KHDRBS3: variants seen among roughly 807,000 people sequenced by gnomAD.
KHDRBS3 encodes the protein KH RNA binding domain containing, signal transduction associated 3, also known as KH domain-containing, RNA-binding, signal transduction-associated protein 3.
KHDRBS3 carries 23 observed loss-of-function variants against 45.6 expected under a neutral mutation model. That is an observed-to-expected ratio of 0.50 (90% CI 0.36 to 0.72). The LOEUF is 0.72. Ranked by LOEUF, KHDRBS3 falls within the 30% of genes least tolerant of loss-of-function variation. The pLI, the probability that KHDRBS3 is intolerant of heterozygous loss-of-function variation, is 0.00. For synonymous variants in KHDRBS3, 162 were observed against 156.5 expected (o/e 1.04, Z -0.26); for missense variants, 352 against 424.8 (o/e 0.83, Z 1.51).
In KHDRBS3 at chr8:135,518,966, AGG is replaced by A. The variant is rs1271431462; in HGVS notation, c.89-2270_89-2269del. On this transcript the variant is annotated intron_variant, in intron 1 of 8. Coordinates refer to ENST00000355849, the MANE Select transcript of KHDRBS3 (RefSeq NM_006558.3). ...TTATAGAAAAAATCAATAAAATTAA[AGG>A]TACTCTTCTATTTCTGTGTATATTT... Among the ~76,000 whole-genome samples, 5 of 152,238 alleles carry A rather than the reference AGG, an allele frequency of 3.3e-5. No homozygotes were observed. In the East Asian group the frequency reaches 9.6e-4, roughly 29 times the overall value.
chr8:135,623,202 A>G (rs925639105), intron 7 of KHDRBS3, among the ~76,000 whole-genome samples: 4 of 152,236 alleles, frequency 2.6e-5, no homozygotes, highest in Non-Finnish European at 5.9e-5. Context: ...CTTTGCCAGA[A>G]AAAAATAAGC....
At position 135,494,499 on chromosome 8, in the gene KHDRBS3, A is replaced by C. The variant is rs918536609; in HGVS notation, c.89-26738A>C. Among the ~76,000 whole-genome samples, 5 of 152,006 alleles carry C rather than the reference A, an allele frequency of 3.3e-5. No individual in the cohort carries two copies. The East Asian group carries it at 9.7e-4, about 30-fold the overall frequency. On this transcript the variant is annotated intron_variant, in intron 1 of 8. Coordinates refer to ENST00000355849, the MANE Select transcript of KHDRBS3 (RefSeq NM_006558.3). ...TTCACCGTGTTAGCCAGGATGGTCT[A>C]GATCTCCTGACCTCGTGATCCACCC...
chr8:135,546,226 GA>G (rs1826295560), intron 3 of KHDRBS3, among the ~76,000 whole-genome samples: 1 of 151,248 alleles, frequency 6.6e-6, no homozygotes, highest in East Asian at 1.9e-4. Flanking sequence ...CTGAATTCTT[GA>G]ATATTGATTT....
chr8:135,554,001 A>G (rs1412072005), intron 4 of KHDRBS3, among the ~76,000 whole-genome samples: 2 of 152,224 alleles, frequency 1.3e-5, no homozygotes, highest in Non-Finnish European at 2.9e-5. Context: ...ACTAACTATA[A>G]TGGTTATATC....
At chr8:135,473,356 ACT>A (rs1467176129) in intron 1 of KHDRBS3, among the ~76,000 whole-genome samples, 1 of 152,094 alleles carries the variant, frequency 6.6e-6, no homozygotes, top group Non-Finnish European at 1.5e-5. Context: ...GCATGCTGAA[ACT>A]GCTGCTTTCG....
chr8:135,507,419 T>C (rs1824058732), intron 1 of KHDRBS3, among the ~76,000 whole-genome samples: 1 of 152,206 alleles, frequency 6.6e-6, no homozygotes, highest in South Asian at 2.1e-4. Flanking sequence ...CTAAAGTAGA[T>C]CAGTCTGTTT....
chr8:135,561,045 T>C (rs189059015), intron 5 of KHDRBS3, among the ~76,000 whole-genome samples: 55 of 152,276 alleles, frequency 3.6e-4, no homozygotes, highest in Middle Eastern at 3.4e-3. Flanking sequence ...TTCAAAGCCT[T>C]CTTGGTACGT....
At chr8:135,492,586 T>C (rs529057755) in intron 1 of KHDRBS3, among the ~76,000 whole-genome samples, 2 of 151,866 alleles carry the variant, frequency 1.3e-5, no homozygotes, top group African/African-American at 4.8e-5. Context: ...TGAATGCCTC[T>C]CTGTCAAAAA....
chr8:135,481,223 G>GATATATATATATATATATATATATAT (rs10529846), intron 1 of KHDRBS3, among the ~76,000 whole-genome samples: 30 of 77,368 alleles, frequency 3.9e-4, no homozygotes, highest in African/African-American at 1.3e-3. Context: ...TGAAAGCCAC[G>GATATATATATATATATATATATATAT]ATATATATAT....
intron 1 of KHDRBS3, among the ~76,000 whole-genome samples, chr8:135,489,767 T>C (rs1299071279): frequency 6.6e-6 from 1 of 152,188 alleles, no homozygotes; most frequent in African/African-American, 2.4e-5. Context: ...TAAGGTAATA[T>C]GAATTATTTA....
At chr8:135,458,206 G>C (rs1821218309) in intron 1 of KHDRBS3, 1 of 1,273,608 alleles carries the variant, frequency 7.9e-7, no homozygotes, top group Admixed American at 3.9e-5. Context: ...GGAAATCTTT[G>C]GGGACTCGGG....
intron 5 of KHDRBS3, among the ~76,000 whole-genome samples, chr8:135,575,532 C>T (rs79033409): frequency 0.011 from 1,628 of 152,300 alleles, 26 homozygotes; most frequent in African/African-American, 0.035. Flanking sequence ...GAAAAGAGAA[C>T]GCCAACTATG....
chr8:135,629,010 G>T (rs910701725), intron 7 of KHDRBS3, among the ~76,000 whole-genome samples: 1 of 152,162 alleles, frequency 6.6e-6, no homozygotes, highest in African/African-American at 2.4e-5. Flanking sequence ...GCCAGTGGTT[G>T]GGCCACATGA....
intron 5 of KHDRBS3, among the ~76,000 whole-genome samples, chr8:135,569,904 A>G (rs534705123): frequency 9.2e-5 from 14 of 152,236 alleles, no homozygotes; most frequent in South Asian, 4.1e-4. Context: ...ACCAAACCCA[A>G]TTCCATACAG....
At chr8:135,557,666 T>A in intron 5 of KHDRBS3, 79 bp downstream of exon 5, 1 of 1,059,128 alleles carries the variant, frequency 9.4e-7, no homozygotes, top group Non-Finnish European at 1.4e-6. Context: ...CAAAACCAGT[T>A]CTATCTGAAC....
intron 4 of KHDRBS3, among the ~76,000 whole-genome samples, chr8:135,550,952 C>A (rs781434590): frequency 6.6e-6 from 1 of 152,094 alleles, no homozygotes; most frequent in Non-Finnish European, 1.5e-5. Flanking sequence ...TTTCCTTTTG[C>A]AAAATTGATT....
intron 4 of KHDRBS3, among the ~76,000 whole-genome samples, chr8:135,654,510 T>C (rs768404664): frequency 1.9e-4 from 29 of 152,164 alleles, no homozygotes; most frequent in Non-Finnish European, 3.8e-4. Context: ...AAATGGTCTT[T>C]TATACACAGC....
Position 135,556,293 on chromosome 8 carries a change from T to A in KHDRBS3, c.472-1155T>A, listed in dbSNP as rs545758890. Among the ~76,000 whole-genome samples, 6 of 152,312 alleles carry A rather than the reference T, an allele frequency of 3.9e-5. No homozygotes were observed. In the South Asian group the frequency reaches 1.0e-3, roughly 26 times the overall value. ...GTCAAATGGTATTTCTAGTTCTAGA[T>A]CCTTGAGGAAACGCCACACTGTCTT... On this transcript the variant is annotated intron_variant, in intron 4 of 8. Coordinates refer to ENST00000355849, the MANE Select transcript of KHDRBS3 (RefSeq NM_006558.3).
At chr8:135,540,111 T>C (rs1825971489) in intron 2 of KHDRBS3, 1 of 152,210 alleles carries the variant, frequency 6.6e-6, no homozygotes, top group African/African-American at 2.4e-5. Context: ...TTTGCTCCAT[T>C]TTTGAAACCT....
Sources: gnomAD v4.1 joint callset for allele counts (sites outside exome capture counted in the v4.1 genomes callset) on GRCh38, gnomAD v4.1.1 for gene constraint, MANE v1.5 for transcripts, NCBI Gene and HGNC (gene_info 2026-07-23, HGNC 2026-07-21) for gene names.